Variants in LAMC1 observed in about 807,000 individuals in gnomAD.
LAMC1 encodes laminin subunit gamma 1.
In LAMC1, 38 loss-of-function variants were observed where a neutral mutation model predicts 173.6. The ratio of observed to expected loss-of-function variants is 0.22; its 90% CI spans 0.17 to 0.29. The LOEUF (loss-of-function observed/expected upper bound fraction) is 0.29. Among genes scored for constraint, LAMC1 ranks in the 10% least tolerant of loss-of-function variants. The pLI is 1.00. For missense variants in LAMC1, 1,824 were observed against 2,051.8 expected (o/e 0.89, Z 2.14); for synonymous variants, 746 against 749.1 (o/e 1.00, Z 0.07).
intron 1 of LAMC1, among the ~76,000 whole-genome samples, chr1:183,088,292 C>T (rs997281932): frequency 6.6e-6 from 1 of 152,216 alleles, no homozygotes; most frequent in Non-Finnish European, 1.5e-5. Context: ...AGTCAGTCTA[C>T]TGTAAATAAA....
chr1:183,108,265 C>T lies in LAMC1; in HGVS notation c.724-11C>T. Reference sequence around the variant, plus strand: ...CTTCTCTTTTATGTTTCTATTTTTGCTTCCTGACAGGAATGGGTAACTGCC... The same window carrying T: ...CTTCTCTTTTATGTTTCTATTTTTGTTTCCTGACAGGAATGGGTAACTGCC... On this transcript the variant is annotated splice_polypyrimidine_tract_variant and intron_variant, in intron 2 of 27. Transcript: ENST00000258341. 1 of 1,610,922 alleles carries T rather than the reference C, an allele frequency of 6.2e-7. No individual in the cohort carries two copies. Among genetic ancestry groups the T allele is most frequent in the Non-Finnish European group, 8.5e-7 (1 of 1,178,050 alleles).
intron 20 of LAMC1, among the ~76,000 whole-genome samples, chr1:183,131,883 A>G (rs1334415829): frequency 6.6e-6 from 1 of 152,240 alleles, no homozygotes; most frequent in Non-Finnish European, 1.5e-5. Flanking sequence ...TTTGGAAAAT[A>G]TTCTCATCTC....
At chr1:183,047,612 G>C (rs1192278651) in intron 1 of LAMC1, among the ~76,000 whole-genome samples, 1 of 152,092 alleles carries the variant, frequency 6.6e-6, no homozygotes, top group Non-Finnish European at 1.5e-5. Flanking sequence ...TTAAGTTTTG[G>C]GGATAGATAG....
Position 183,131,318 on chromosome 1 carries a change from C to A in LAMC1, c.3506C>A (p.Ser1169Tyr), listed in dbSNP as rs377615172. 2 of 1,613,578 alleles carry A rather than the reference C, an allele frequency of 1.2e-6. No homozygotes were observed. Among genetic ancestry groups the A allele is most frequent in the Non-Finnish European group, 1.7e-6 (2 of 1,179,752 alleles). ...GTGCAGTCAGTCACTCAGCCAGAAT[C>A]TACAGGGGACCCAAACAACATGACT... is the stretch of plus-strand genomic sequence containing the variant. ...AANVSVTQPESTGDPNNMTLL... is the reference protein window; with the variant it reads ...AANVSVTQPEYTGDPNNMTLL... Residue 1169 changes from serine (S) to tyrosine (Y), a missense_variant, in exon 20 of 28, where the codon TCT becomes TAT. By Grantham distance (144) the Ser-to-Tyr change is moderately radical. Transcript: ENST00000258341.
intron 1 of LAMC1, among the ~76,000 whole-genome samples, chr1:183,076,467 C>T (rs1655121885): frequency 6.6e-6 from 1 of 152,160 alleles, no homozygotes; most frequent in African/African-American, 2.4e-5. Flanking sequence ...TACTTTGCTC[C>T]TTCGATGTTT....
intron 20 of LAMC1, 24 bp downstream of exon 20, chr1:183,131,402 T>A (rs774545664): frequency 3.2e-6 from 5 of 1,549,612 alleles, no homozygotes; most frequent in Non-Finnish European, 2.7e-6. Flanking sequence ...CCCTGTTTAA[T>A]GGTTAAGTTG....
At chr1:183,032,446 TTTG>T (rs1653870556) in intron 1 of LAMC1, among the ~76,000 whole-genome samples, 1 of 152,344 alleles carries the variant, frequency 6.6e-6, no homozygotes, top group Admixed American at 6.5e-5. Flanking sequence ...TTTTTAGATT[TTTG>T]TTATTTTATC....
chr1:183,103,334 C>G lies in LAMC1; in HGVS notation c.425C>G (p.Ala142Gly). The change falls in exon 2 of 28, where the codon GCT becomes GGT. Residue 142 changes from alanine (A) to glycine (G), a missense_variant. Transcript: ENST00000258341. ...SINLTLHLGKAFDITYVRLKF... is the reference protein window; with the variant it reads ...SINLTLHLGKGFDITYVRLKF... ...TGATGTGTTTGTCCCACAGGAAAAG[C>G]TTTTGACATCACCTATGTGCGTCTC... The G allele has an allele frequency of 1.2e-6, 2 of 1,612,778 alleles. No homozygotes were observed. The highest frequency in any genetic ancestry group is 1.7e-6 in the Non-Finnish European group (2 of 1,179,238).
chr1:183,105,251 GAAAGA>G (rs1231259664), intron 2 of LAMC1, among the ~76,000 whole-genome samples: 223 of 129,220 alleles, frequency 1.7e-3, no homozygotes, highest in East Asian at 0.016. Context: ...AAAAAAGAAA[GAAAGA>G]AAAGAAAAGA....
At chr1:183,028,379 A>G (rs1383437615) in intron 1 of LAMC1, among the ~76,000 whole-genome samples, 1 of 152,216 alleles carries the variant, frequency 6.6e-6, no homozygotes, top group Non-Finnish European at 1.5e-5. Flanking sequence ...TAGAAGATTG[A>G]GGGTCCTATC....
chr1:183,128,830 G>A, intron 18 of LAMC1, 80 bp downstream of exon 18: 1 of 1,071,796 alleles, frequency 9.3e-7, no homozygotes, highest in Non-Finnish European at 1.3e-6. Flanking sequence ...GGTTAGTATA[G>A]TTTTATAAAA....
Position 183,142,973 on chromosome 1 carries a change from G to A in LAMC1, c.*183G>A, listed in dbSNP as rs1657156858. ...AAGCAAATTAAACATCCTGAATCGG[G>A]AACAAAGGGTTTTATCTAATAAAGT... On this transcript the variant is annotated 3_prime_UTR_variant, in exon 28 of 28. Coordinates refer to ENST00000258341, the MANE Select transcript of LAMC1 (RefSeq NM_002293.4). The A allele has an allele frequency of 1.6e-6, 1 of 608,186 alleles. No individual in the cohort carries two copies. The highest frequency in any genetic ancestry group is 3.3e-5 in the Admixed American group (1 of 30,574). The allele number at this position is 608,186 out of a possible 1,614,324, so 37.7% of individuals were successfully genotyped here. A position where few individuals can be genotyped will look rare whatever the true frequency, so the allele number is the denominator to read the frequency against.
At chr1:183,042,231 G>A (rs10797820) in intron 1 of LAMC1, among the ~76,000 whole-genome samples, 76,244 of 151,898 alleles carry the variant, frequency 0.5, 19,767 homozygotes, top group South Asian at 0.64. Context: ...ATCCTTTAGG[G>A]TATCATTCTT....
intron 1 of LAMC1, among the ~76,000 whole-genome samples, chr1:183,052,491 G>A (rs772072205): frequency 6.6e-6 from 1 of 151,970 alleles, no homozygotes; most frequent in East Asian, 1.9e-4. Context: ...GCGCCACCAC[G>A]CCCAGCTAAT....
Position 183,023,821 on chromosome 1 carries a change from A to G in LAMC1, c.105A>G (p.Ala35=), listed in dbSNP as rs747568611. Residue 35 remains alanine (A), a synonymous_variant, in exon 1 of 28, where the codon GCA becomes GCG. Coordinates refer to ENST00000258341, the MANE Select transcript of LAMC1 (RefSeq NM_002293.4). ...AAAAAAGCAQ[A]AMDECTDEGG... is the part of the protein sequence containing the mutation. ...CCGCCGCGGCGGGCTGTGCCCAGGC[A>G]GCCATGGACGAGTGCACGGACGAGG... The G allele has an allele frequency of 2.5e-6, 4 of 1,572,568 alleles. No individual in the cohort carries two copies. Among genetic ancestry groups the G allele is most frequent in the Non-Finnish European group, 2.6e-6 (3 of 1,158,674 alleles).
intron 1 of LAMC1, among the ~76,000 whole-genome samples, chr1:183,063,887 T>C (rs928018376): frequency 6.6e-6 from 1 of 152,216 alleles, no homozygotes; most frequent in African/African-American, 2.4e-5. Context: ...TCGTAATTGA[T>C]ACGGATCCCT....
Position 183,114,564 on chromosome 1 carries a change from A to G in LAMC1, c.1055A>G (p.Tyr352Cys). The change falls in exon 5 of 28, where the codon TAC becomes TGC. Residue 352 changes from tyrosine to cysteine, a missense_variant. Coordinates refer to ENST00000258341, the MANE Select transcript of LAMC1 (RefSeq NM_002293.4). Reference protein sequence around the residue: ...CDCNGRSQECYFDPELYRSTG... With the variant: ...CDCNGRSQECCFDPELYRSTG... ...TGCAATGGTCGATCCCAGGAATGCT[A>G]CTTCGACCCTGAACTCTATCGTTCC... is the stretch of plus-strand genomic sequence containing the variant. 2 of 1,614,212 alleles carry G rather than the reference A, an allele frequency of 1.2e-6. No individual in the cohort carries two copies. The highest frequency in any genetic ancestry group is 1.1e-5 in the South Asian group (1 of 91,078).
intron 11 of LAMC1, among the ~76,000 whole-genome samples, chr1:183,120,524 A>G (rs1000672700): frequency 3.3e-5 from 5 of 152,218 alleles, no homozygotes; most frequent in African/African-American, 1.2e-4. Context: ...GAATTTTATA[A>G]ACAGCAAGTG....
rs1176113807 is a variant in LAMC1 at position 183,116,603 on chromosome 1, G to T, written c.1355G>T (p.Ser452Ile). ...CCATGCTCTTGTGATCCCTCTGGCA[G>T]CATAGATGAATGTAATATTGAAACA... ...CRPCSCDPSGSIDECNIETGR... is the reference protein window; with the variant it reads ...CRPCSCDPSGIIDECNIETGR... Residue 452 changes from serine (S) to isoleucine (I), a missense_variant, in exon 7 of 28, where the codon AGC becomes ATC. Ser to Ile is a moderately radical substitution (Grantham distance 142, BLOSUM62 -2). Transcript: ENST00000258341. 1 of 1,612,028 alleles carries T rather than the reference G, an allele frequency of 6.2e-7. No homozygotes were observed. Among genetic ancestry groups the T allele is most frequent in the East Asian group, 2.2e-5 (1 of 44,874 alleles).
Sources: allele counts gnomAD v4.1 joint callset (sites outside exome capture counted in the v4.1 genomes callset), GRCh38; gene constraint gnomAD v4.1.1; transcripts MANE v1.5; gene names NCBI Gene and HGNC (gene_info 2026-07-23, HGNC 2026-07-21).